FBXO7: variants seen among roughly 807,000 people sequenced by gnomAD.
The protein encoded by FBXO7 is F-box protein 7.
In FBXO7, 31 loss-of-function variants were observed where a neutral mutation model predicts 50.2. The observed-to-expected ratio is 0.62, with a 90% CI of 0.46 to 0.83. The LOEUF (loss-of-function observed/expected upper bound fraction) is 0.83, where lower values mean the gene tolerates loss of function less well. Among genes scored for constraint, FBXO7 ranks in the 40% least tolerant of loss-of-function variants. FBXO7 has a pLI of 0.00. For missense variants in FBXO7, 667 were observed against 646.6 expected (o/e 1.03, Z -0.34); for synonymous variants, 256 against 253.1 (o/e 1.01, Z -0.11).
chr22:32,498,680 G>A lies in FBXO7; in HGVS notation c.*150G>A. On this transcript the variant is annotated 3_prime_UTR_variant, in exon 9 of 9. Coordinates refer to ENST00000266087, the MANE Select transcript of FBXO7 (RefSeq NM_012179.4). ...AAACCTTTTAAGAGATACATTTATA[G>A]CCCTAGGGGTGGTATGACCCAAAGG... The A allele has an allele frequency of 1.1e-6, 1 of 948,640 alleles. No individual in the cohort carries two copies. Among genetic ancestry groups the A allele is most frequent in the Non-Finnish European group, 1.6e-6 (1 of 628,302 alleles). The allele number at this position is 948,640 out of a possible 1,614,324, so 58.8% of individuals were successfully genotyped here.
In FBXO7 at chr22:32,498,690, T is replaced by G. The variant is rs1475526532; in HGVS notation, c.*160T>G. ...AGAGATACATTTATAGCCCTAGGGG[T>G]GGTATGACCCAAAGGTTCCTCTGTG... On this transcript the variant is annotated 3_prime_UTR_variant, in exon 9 of 9. Coordinates refer to ENST00000266087, the MANE Select transcript of FBXO7 (RefSeq NM_012179.4). 8 of 844,166 alleles carry G rather than the reference T, an allele frequency of 9.5e-6. No homozygotes were observed. The highest frequency in any genetic ancestry group is 1.5e-5 in the Non-Finnish European group (8 of 539,920). The allele number at this position is 844,166 out of a possible 1,614,324, so 52.3% of individuals were successfully genotyped here.
At chr22:32,490,836 C>T in intron 5 of FBXO7, 1 of 453,472 alleles carries the variant, frequency 2.2e-6, no homozygotes, top group Non-Finnish European at 4.0e-6. Flanking sequence ...TCTACAACTG[C>T]AGCCTATGAG....
At chr22:32,480,632 ATTATCT>A (rs1177816591) in intron 2 of FBXO7, among the ~76,000 whole-genome samples, 1 of 150,364 alleles carries the variant, frequency 6.7e-6, no homozygotes, top group African/African-American at 2.4e-5. Context: ...TGATTATCTG[ATTATCT>A]TTATTGCCTT....
chr22:32,482,373 A>C (rs144054290), intron 2 of FBXO7, among the ~76,000 whole-genome samples: 25 of 152,320 alleles, frequency 1.6e-4, no homozygotes, highest in African/African-American at 6.0e-4. Flanking sequence ...AACCTTTTAC[A>C]TATACTGTGT....
In FBXO7 at chr22:32,493,306, C is replaced by T. The variant is rs5998515; in HGVS notation, c.1144+25C>T. 897 of 1,596,874 alleles carry T rather than the reference C, an allele frequency of 5.6e-4. 8 individuals are homozygous for T. In the African/African-American group the frequency reaches 8.1e-3, roughly 14 times the overall value. On this transcript the variant is annotated intron_variant, in intron 7 of 8. Coordinates refer to ENST00000266087, the MANE Select transcript of FBXO7 (RefSeq NM_012179.4). ...GGTGATTTCCGTAATGACATATTCA[C>T]AAGAAAGGGCTCTTATTGTCTTGAT...
At position 32,495,448 on chromosome 22, in the gene FBXO7, G is replaced by A. The variant is rs143072412; in HGVS notation, c.1145-45G>A. 330 of 1,344,974 alleles carry A rather than the reference G, an allele frequency of 2.5e-4. 2 individuals are homozygous for A. The East Asian group carries it at 7.4e-3, about 30-fold the overall frequency. The allele number at this position is 1,344,974 out of a possible 1,614,324, so 83.3% of individuals were successfully genotyped here. A position where few individuals can be genotyped will look rare whatever the true frequency, so the allele number is the denominator to read the frequency against. ...CAAAACCCACTGTTTAATGCAGGAC[G>A]AATGAAATGTTTTTAAATCCTTATT... On this transcript the variant is annotated intron_variant, in intron 7 of 8. Coordinates refer to ENST00000266087, the MANE Select transcript of FBXO7 (RefSeq NM_012179.4).
intron 2 of FBXO7, 134 bp downstream of exon 2, chr22:32,479,409 T>C: frequency 2.3e-6 from 2 of 852,764 alleles, no homozygotes; most frequent in East Asian, 2.8e-5. Flanking sequence ...TTCTTTTTTT[T>C]TTTTTTTGAG....
chr22:32,491,359 G>A (rs961021467), intron 6 of FBXO7, 178 bp downstream of exon 6: 2 of 561,378 alleles, frequency 3.6e-6, no homozygotes, highest in South Asian at 2.1e-5. Flanking sequence ...GTATCTCCAT[G>A]CCATTTTGTA....
At chr22:32,489,367 G>A (rs112380167) in intron 5 of FBXO7, 7 of 152,338 alleles carry the variant, frequency 4.6e-5, no homozygotes, top group African/African-American at 1.7e-4. Flanking sequence ...AATTGGTATA[G>A]ATGGCTTTTA....
At chr22:32,480,286 A>G (rs1242829750) in intron 2 of FBXO7, among the ~76,000 whole-genome samples, 1 of 152,194 alleles carries the variant, frequency 6.6e-6, no homozygotes, top group African/African-American at 2.4e-5. Flanking sequence ...CAGAAGAGGA[A>G]AATGGTGTCT....
At chr22:32,489,284 A>G (rs187326704) in intron 5 of FBXO7, 20 of 152,366 alleles carry the variant, frequency 1.3e-4, no homozygotes, top group African/African-American at 4.3e-4. Context: ...ACAAACCAAT[A>G]TAATAGTTTT....
At chr22:32,496,484 AAAAC>A (rs992003033) in intron 8 of FBXO7, among the ~76,000 whole-genome samples, 18 of 152,308 alleles carry the variant, frequency 1.2e-4, no homozygotes, top group African/African-American at 3.4e-4. Flanking sequence ...TCTGTCTCAA[AAAAC>A]AAACAAAAAA....
rs532421183 is a variant in FBXO7, at chr22:32,496,298, C to T, written c.1182+768C>T. On this transcript the variant is annotated intron_variant, in intron 8 of 8. Transcript: ENST00000266087. Reference sequence around the variant, plus strand: ...GAGTTGGAGACCATCTTGGCTAACACGGTGAAACCCTGTCTCTACTAAAAA... The same window carrying T: ...GAGTTGGAGACCATCTTGGCTAACATGGTGAAACCCTGTCTCTACTAAAAA... 4.6e-5 allele frequency among the ~76,000 whole-genome samples: 7 copies of T among 152,172 alleles called. No individual in the cohort carries two copies. The South Asian group carries it at 1.2e-3, about 27-fold the overall frequency.
At position 32,498,505 on chromosome 22, in the gene FBXO7, CTGA is replaced by C. The variant is rs776484811; in HGVS notation, c.1547_1549del (p.Asp516del). 1.2e-6 allele frequency: 2 copies of C among 1,613,956 alleles called. No individual in the cohort carries two copies. Among genetic ancestry groups the C allele is most frequent in the South Asian group, 2.2e-5 (2 of 91,078 alleles). On this transcript the variant is annotated inframe_deletion, in exon 9 of 9. Coordinates refer to ENST00000266087, the MANE Select transcript of FBXO7 (RefSeq NM_012179.4). ...TTTAGACCCAGCAGGGGTCGGCCAA[CTGA>C]TGGCCGGCTGTCATTCATGTGATTG...
Position 32,493,166 on chromosome 22 carries a change from C to CTTT in FBXO7, c.1031_1032insTTT (p.Phe344dup). 6.2e-7 allele frequency: 1 copy of CTTT among 1,614,178 alleles called. No individual in the cohort carries two copies. The highest frequency in any genetic ancestry group is 1.1e-5 in the South Asian group (1 of 91,086). On this transcript the variant is annotated inframe_insertion, in exon 7 of 9. Transcript: ENST00000266087. ...TCCCATTGGAACTGAAACTACGGAT[C>CTTT]TTCCGACTTCTGGATGTTCGTTCCG... is the stretch of plus-strand genomic sequence containing the variant.
Position 32,498,215 on chromosome 22 carries a change from A to G in FBXO7, c.1254A>G (p.Ser418=). ...GGTTTGTGATGCTCCTGCCATCGTC[A>G]ACTCACACCATTCCATTCTATCCCA... The part of the protein sequence containing the change: ...KGRFVMLLPS[S]THTIPFYPNP... Residue 418 remains serine (S), a synonymous_variant, in exon 9 of 9, where the codon TCA becomes TCG. Coordinates refer to ENST00000266087, the MANE Select transcript of FBXO7 (RefSeq NM_012179.4). 2 of 1,614,192 alleles carry G rather than the reference A, an allele frequency of 1.2e-6. No homozygotes were observed. The highest frequency in any genetic ancestry group is 1.7e-6 in the Non-Finnish European group (2 of 1,180,042).
At chr22:32,497,143 A>C (rs1019361712) in intron 8 of FBXO7, among the ~76,000 whole-genome samples, 7 of 152,176 alleles carry the variant, frequency 4.6e-5, no homozygotes, top group Non-Finnish European at 1.0e-4. Flanking sequence ...ATAAAGAGAG[A>C]AAGTGGTTTC....
Position 32,487,816 on chromosome 22 carries a change from A to G in FBXO7, c.859A>G (p.Lys287Glu), listed in dbSNP as rs2057508657. ...GCTGCTACCAGAATCTTTTATTTGC[A>G]AAGAGAAACTAGGTAATACAAACAT... is the stretch of plus-strand genomic sequence containing the variant. ...LQLLPESFIC[K>E]EKLGENVANI... Residue 287 changes from lysine (K) to glutamate (E), a missense_variant, in exon 5 of 9, where the codon AAA becomes GAA. By Grantham distance (56) the Lys-to-Glu change is moderately conservative. Transcript: ENST00000266087. 6.3e-7 allele frequency: 1 copy of G among 1,596,516 alleles called. No homozygotes were observed. The highest frequency in any genetic ancestry group is 8.6e-7 in the Non-Finnish European group (1 of 1,164,598).
chr22:32,495,677 AACTTTT>A (rs1476719550), intron 8 of FBXO7, 147 bp downstream of exon 8: 4 of 455,720 alleles, frequency 8.8e-6, no homozygotes, highest in Non-Finnish European at 1.5e-5. Context: ...AAATGTTTTC[AACTTTT>A]ACTTTAGACT....
Sources: allele counts gnomAD v4.1 joint callset (sites outside exome capture counted in the v4.1 genomes callset), GRCh38; gene constraint gnomAD v4.1.1; transcripts MANE v1.5; gene names NCBI Gene and HGNC (gene_info 2026-07-23, HGNC 2026-07-21).